Variants in RAB3C observed in about 807,000 individuals in gnomAD.
RAB3C encodes RAB3C, member RAS oncogene family.
RAB3C carries 17 observed loss-of-function variants against 26.4 expected under a neutral mutation model. That is an observed-to-expected ratio of 0.64 (90% CI 0.44 to 0.97). RAB3C has a LOEUF of 0.97. RAB3C is among the 50% of genes least tolerant of loss of function. The probability of loss-of-function intolerance (pLI) is 0.00; values close to 1 mark genes in which losing one functional copy is unlikely to be tolerated. For synonymous variants in RAB3C, 91 were observed against 95.9 expected (o/e 0.95, Z 0.30); for missense variants, 242 against 281.9 (o/e 0.86, Z 1.01).
In RAB3C at chr5:58,851,172, T is replaced by G; in HGVS notation, c.505T>G (p.Phe169Val). Residue 169 changes from phenylalanine to valine, a missense_variant, in exon 5 of 5, where the codon TTT becomes GTT. Phe to Val is a conservative substitution (Grantham distance 50, BLOSUM62 -1). Transcript: ENST00000282878. ...CTGTGTGTTTCTTCCAGGGTTTGAG[T>G]TTTTTGAAACAAGTGCCAAGGACAA... ...QHLGEQLGFE[F>V]FETSAKDNIN... 1 of 1,591,440 alleles carries G rather than the reference T, an allele frequency of 6.3e-7. No individual in the cohort carries two copies. Among genetic ancestry groups the G allele is most frequent in the Non-Finnish European group, 8.5e-7 (1 of 1,172,426 alleles).
At chr5:58,663,446 T>G (rs1229194458) in intron 2 of RAB3C, among the ~76,000 whole-genome samples, 2 of 150,368 alleles carry the variant, frequency 1.3e-5, no homozygotes, top group African/African-American at 5.0e-5. Context: ...GGATAAAAAT[T>G]TCTTTATCAT....
Position 58,816,844 on chromosome 5 carries a change from G to A in RAB3C, c.372-8194G>A, listed in dbSNP as rs1743228721. Among the ~76,000 whole-genome samples, 3 of 152,192 alleles carry A rather than the reference G, an allele frequency of 2.0e-5. No individual in the cohort carries two copies. The South Asian group carries it at 6.2e-4, about 31-fold the overall frequency. ...GAAAGTTGAAGCTAGAAGCTAGAAA[G>A]GTAAGCCAAGGCCCTATGAAGGGTG... On this transcript the variant is annotated intron_variant, in intron 3 of 4. Coordinates refer to ENST00000282878, the MANE Select transcript of RAB3C (RefSeq NM_138453.4).
chr5:58,614,059 G>A (rs1049528439), intron 1 of RAB3C, among the ~76,000 whole-genome samples: 1 of 152,004 alleles, frequency 6.6e-6, no homozygotes, highest in African/African-American at 2.4e-5. Flanking sequence ...GAAGTTGCAC[G>A]GCCTTTGAAG....
upstream of RAB3C, chr5:58,583,059 A>G (rs1028705583): frequency 7.1e-5 from 105 of 1,477,560 alleles, no homozygotes; most frequent in Middle Eastern, 2.4e-4. Flanking sequence ...GTGCGGCGCC[A>G]GGAGAGGACA....
At chr5:58,679,242 A>G (rs1385536603) in intron 2 of RAB3C, among the ~76,000 whole-genome samples, 1 of 152,216 alleles carries the variant, frequency 6.6e-6, no homozygotes, top group Non-Finnish European at 1.5e-5. Flanking sequence ...GTCATGGTCC[A>G]GGACTTGGGA....
intron 2 of RAB3C, among the ~76,000 whole-genome samples, chr5:58,709,748 C>T (rs1017944453): frequency 2.0e-5 from 3 of 152,076 alleles, no homozygotes; most frequent in Non-Finnish European, 2.9e-5. Context: ...ATTATGGATC[C>T]GAGCGCCAGT....
intron 2 of RAB3C, among the ~76,000 whole-genome samples, chr5:58,725,476 G>A (rs1377311488): frequency 1.3e-5 from 2 of 151,818 alleles, no homozygotes; most frequent in Non-Finnish European, 2.9e-5. Context: ...TCTTTCTCAA[G>A]CTTTGGAAAG....
intron 3 of RAB3C, among the ~76,000 whole-genome samples, chr5:58,744,774 C>T (rs982387984): frequency 1.3e-5 from 2 of 152,112 alleles, no homozygotes; most frequent in African/African-American, 4.8e-5. Context: ...TGGAGAACAA[C>T]AACAACAACA....
At chr5:58,619,133 T>C (rs570074605) in intron 2 of RAB3C, among the ~76,000 whole-genome samples, 36 of 152,148 alleles carry the variant, frequency 2.4e-4, no homozygotes, top group African/African-American at 7.2e-4. Context: ...TACCTTCTTA[T>C]GTAGCTTACA....
chr5:58,726,960 G>A (rs192875329), intron 3 of RAB3C, among the ~76,000 whole-genome samples: 180 of 152,064 alleles, frequency 1.2e-3, no homozygotes, highest in Middle Eastern at 0.01. Context: ...TCTAGGTAGG[G>A]CTTTGTGTGA....
At chr5:58,635,388 A>G (rs1747267960) in intron 2 of RAB3C, among the ~76,000 whole-genome samples, 1 of 152,214 alleles carries the variant, frequency 6.6e-6, no homozygotes, top group South Asian at 2.1e-4. Flanking sequence ...AATGGTGTAA[A>G]GAAAGAAAGC....
At chr5:58,818,657 A>G (rs1248940575) in intron 3 of RAB3C, among the ~76,000 whole-genome samples, 1 of 152,192 alleles carries the variant, frequency 6.6e-6, no homozygotes, top group Non-Finnish European at 1.5e-5. Context: ...GTTGAGATTA[A>G]CAGTAAATCC....
At chr5:58,634,782 G>A (rs1747254851) in intron 2 of RAB3C, among the ~76,000 whole-genome samples, 1 of 152,260 alleles carries the variant, frequency 6.6e-6, no homozygotes, top group South Asian at 2.1e-4. Context: ...TATAAACTTT[G>A]GGCCCCACAG....
intron 2 of RAB3C, among the ~76,000 whole-genome samples, chr5:58,674,466 T>C (rs558369815): frequency 2.4e-4 from 37 of 152,364 alleles, no homozygotes; most frequent in African/African-American, 8.7e-4. Flanking sequence ...AAGTTTTTCT[T>C]TCTCCTACAG....
At chr5:58,584,588 C>T (rs141611783) in intron 1 of RAB3C, among the ~76,000 whole-genome samples, 95 of 152,158 alleles carry the variant, frequency 6.2e-4, no homozygotes, top group African/African-American at 2.2e-3. Flanking sequence ...TACCAGGAGC[C>T]AACTGGCTAA....
At chr5:58,693,278 A>G (rs1312449986) in intron 2 of RAB3C, among the ~76,000 whole-genome samples, 1 of 144,152 alleles carries the variant, frequency 6.9e-6, no homozygotes, top group African/African-American at 2.6e-5. Context: ...ATTAAGATAA[A>G]GTTATAATTA....
intron 3 of RAB3C, among the ~76,000 whole-genome samples, chr5:58,766,257 C>T (rs1474165084): frequency 1.3e-5 from 2 of 151,950 alleles, no homozygotes; most frequent in Non-Finnish European, 2.9e-5. Flanking sequence ...GCTGGGATTA[C>T]AGGCGTGTGC....
At position 58,597,751 on chromosome 5, in the gene RAB3C, A is replaced by T. The variant is rs111217622; in HGVS notation, c.24+14519A>T. Among the ~76,000 whole-genome samples the T allele has an allele frequency of 1.6e-5, 2 of 123,414 alleles. 1 individual carries two copies. Among genetic ancestry groups the T allele is most frequent in the Admixed American group, 1.8e-4 (2 of 10,842 alleles). The allele number at this position is 123,414 out of a possible 152,430, so 81.0% of individuals were successfully genotyped here. On this transcript the variant is annotated intron_variant, in intron 1 of 4. Transcript: ENST00000282878. ...ATAAGTATATAACATATAATACATTATATATAAGTATATAACATATAATAC... is the reference window on the plus strand; with the variant it reads ...ATAAGTATATAACATATAATACATTTTATATAAGTATATAACATATAATAC...
chr5:58,647,772 T>G (rs1747556040), intron 2 of RAB3C: 1 of 152,132 alleles, frequency 6.6e-6, no homozygotes, highest in African/African-American at 2.4e-5. Flanking sequence ...ATCCTAACCC[T>G]TGGATGTAAT....
Sources: gnomAD v4.1 joint callset for allele counts (sites outside exome capture counted in the v4.1 genomes callset) on GRCh38, gnomAD v4.1.1 for gene constraint, MANE v1.5 for transcripts, NCBI Gene and HGNC (gene_info 2026-07-23, HGNC 2026-07-21) for gene names.